GRB14: variants seen among roughly 807,000 people sequenced by gnomAD.
The protein encoded by GRB14 is growth factor receptor bound protein 14, also known as growth factor receptor-bound protein 14.
Under a neutral mutation model 69.1 loss-of-function variants are expected in GRB14, and 38 were observed. The ratio of observed to expected loss-of-function variants is 0.55; its 90% confidence interval spans 0.42 to 0.72. GRB14 has a LOEUF of 0.72. Among genes scored for constraint, GRB14 ranks in the 30% least tolerant of loss-of-function variants. The pLI is 0.00. For synonymous variants in GRB14, 247 were observed against 241.3 expected, an observed-to-expected ratio of 1.02 and a Z score of -0.22; for missense variants, 666 against 666.1, an observed-to-expected ratio of 1.00 and a Z score of 0.00.
chr2:164,556,769 G>A (rs536363822), intron 2 of GRB14, among the ~76,000 whole-genome samples: 6 of 152,188 alleles, frequency 3.9e-5, no homozygotes, highest in South Asian at 4.1e-4. Flanking sequence ...TAATTACTAC[G>A]TGTTGCCCTT....
intron 8 of GRB14, among the ~76,000 whole-genome samples, chr2:164,506,760 TAG>T (rs923887096): frequency 1.2e-4 from 19 of 152,012 alleles, no homozygotes; most frequent in Non-Finnish European, 2.8e-4. Flanking sequence ...TAGATAGATA[TAG>T]AGAGCTATAT....
rs566149234 is a variant in GRB14, at chr2:164,545,985, A to G, written c.481+1675T>C. Among the ~76,000 whole-genome samples, 324 of 152,328 alleles carry G rather than the reference A, an allele frequency of 2.1e-3. 1 individual carries two copies. The highest frequency in any genetic ancestry group is 7.5e-3 in the African/African-American group (312 of 41,578). On this transcript the variant is annotated intron_variant, in intron 3 of 13. Transcript: ENST00000263915. ...AAGGACTTACTTATTTCTTCAAGAAAAATTTAGGGTCTACACTACCATAAA... is the reference window on the plus strand; with the variant it reads ...AAGGACTTACTTATTTCTTCAAGAAGAATTTAGGGTCTACACTACCATAAA...
chr2:164,498,453 A>G (rs569979962), intron 9 of GRB14, among the ~76,000 whole-genome samples: 2 of 152,302 alleles, frequency 1.3e-5, no homozygotes, highest in East Asian at 3.9e-4. Context: ...ATGAATCCTA[A>G]GAAAGACCAT....
chr2:164,576,750 A>T (rs953009523), intron 2 of GRB14, among the ~76,000 whole-genome samples: 7 of 151,946 alleles, frequency 4.6e-5, no homozygotes, highest in Middle Eastern at 3.5e-3. Context: ...CCAAAATTTT[A>T]AAAAAATTAT....
intron 4 of GRB14, among the ~76,000 whole-genome samples, chr2:164,525,753 C>A (rs1687753755): frequency 6.6e-6 from 1 of 152,018 alleles, no homozygotes; most frequent in South Asian, 2.1e-4. Flanking sequence ...TCCTCTAGGA[C>A]AGGGTTTTTC....
chr2:164,587,646 G>A (rs1689569843), intron 2 of GRB14, among the ~76,000 whole-genome samples: 1 of 152,048 alleles, frequency 6.6e-6, no homozygotes, highest in African/African-American at 2.4e-5. Flanking sequence ...GAGGGAGTCA[G>A]GCCATCAATT....
intron 2 of GRB14, among the ~76,000 whole-genome samples, chr2:164,573,215 GTC>G (rs1000034033): frequency 6.6e-6 from 1 of 152,186 alleles, no homozygotes; most frequent in African/African-American, 2.4e-5. Flanking sequence ...TTAGGACTGA[GTC>G]TCTTAGTTTC....
chr2:164,542,266 C>G (rs1183298393), intron 3 of GRB14, among the ~76,000 whole-genome samples: 2 of 152,110 alleles, frequency 1.3e-5, no homozygotes, highest in South Asian at 4.1e-4. Flanking sequence ...GCACCACATA[C>G]AAAAATTAGC....
Position 164,619,800 on chromosome 2 carries a change from C to T in GRB14, c.211G>A (p.Asp71Asn), listed in dbSNP as rs763797493. 2.5e-6 allele frequency: 4 copies of T among 1,609,784 alleles called. No homozygotes were observed. Among genetic ancestry groups the T allele is most frequent in the Non-Finnish European group, 3.4e-6 (4 of 1,177,632 alleles). Reference protein sequence around the residue: ...AADRRKKKDLDVPEMPSIPNP... With the variant: ...AADRRKKKDLNVPEMPSIPNP... ...GGAATAGATGGCATTTCCGGAACAT[C>T]AAGATCTTTCTTTTTTCTCCTACAG... Residue 71 changes from aspartate to asparagine, a missense_variant, in exon 2 of 14, where the codon GAT (aspartate) becomes AAT (asparagine). Coordinates refer to ENST00000263915, the MANE Select transcript of GRB14 (RefSeq NM_004490.3).
chr2:164,550,034 A>C (rs1009347824), intron 2 of GRB14, among the ~76,000 whole-genome samples: 9 of 152,172 alleles, frequency 5.9e-5, no homozygotes, highest in Admixed American at 2.0e-4. Context: ...ATAGAATCAG[A>C]CTTTATGAAA....
Position 164,621,371 on chromosome 2 carries a change from C to T in GRB14, c.-62G>A. 5 of 1,227,656 alleles carry T rather than the reference C, an allele frequency of 4.1e-6. No individual in the cohort carries two copies. Among genetic ancestry groups the T allele is most frequent in the Non-Finnish European group, 3.1e-6 (3 of 977,950 alleles). The allele number at this position is 1,227,656 out of a possible 1,614,324, so 76.0% of individuals were successfully genotyped here. On this transcript the variant is annotated 5_prime_UTR_variant, in exon 1 of 14. Transcript: ENST00000263915. The surrounding 1 kb of genome is among the most constrained non-coding windows in gnomAD (Gnocchi z 6.0). ...TCGGCGCGTGGGGAGAAGGGGTTTG[C>T]GCGGCGGGAGGCGAGGTGCCGGCTA...
chr2:164,587,750 G>A (rs1689572056), intron 2 of GRB14, among the ~76,000 whole-genome samples: 1 of 152,060 alleles, frequency 6.6e-6, no homozygotes, highest in South Asian at 2.1e-4. Flanking sequence ...ATCGAAAACT[G>A]ACATTTAGGA....
At chr2:164,610,575 G>T (rs1690143396) in intron 2 of GRB14, among the ~76,000 whole-genome samples, 1 of 151,610 alleles carries the variant, frequency 6.6e-6, no homozygotes, top group African/African-American at 2.4e-5. Context: ...AATTTATTTT[G>T]GTAAATAGAG....
intron 2 of GRB14, among the ~76,000 whole-genome samples, chr2:164,583,481 A>G (rs1689462602): frequency 6.6e-6 from 1 of 152,218 alleles, no homozygotes. Context: ...GAATTAAAAA[A>G]CATGACAATA....
chr2:164,599,937 A>G (rs1689875635), intron 2 of GRB14, among the ~76,000 whole-genome samples: 1 of 152,240 alleles, frequency 6.6e-6, no homozygotes, highest in South Asian at 2.1e-4. Context: ...CGAAAACACG[A>G]AGAAACCAGA....
intron 8 of GRB14, among the ~76,000 whole-genome samples, chr2:164,505,744 T>C (rs1687173034): frequency 6.6e-6 from 1 of 152,118 alleles, no homozygotes; most frequent in Admixed American, 6.6e-5. Context: ...AGTGATTAAA[T>C]TACAAAAATC....
At chr2:164,596,692 T>A (rs1197193237) in intron 2 of GRB14, among the ~76,000 whole-genome samples, 1 of 152,164 alleles carries the variant, frequency 6.6e-6, no homozygotes, top group Non-Finnish European at 1.5e-5. Flanking sequence ...AAGAAAACAT[T>A]TTGTGGAATA....
chr2:164,501,417 A>G (rs1274615343), intron 9 of GRB14, among the ~76,000 whole-genome samples: 3 of 152,144 alleles, frequency 2.0e-5, no homozygotes, highest in Non-Finnish European at 4.4e-5. Context: ...GATTAAAAAA[A>G]TGCACATTAA....
At chr2:164,581,244 C>T (rs1369922343) in intron 2 of GRB14, among the ~76,000 whole-genome samples, 1 of 152,166 alleles carries the variant, frequency 6.6e-6, no homozygotes, top group African/African-American at 2.4e-5. Flanking sequence ...CACCCCATGT[C>T]AGTGTCCTAA....
Sources: allele counts gnomAD v4.1 joint callset (sites outside exome capture counted in the v4.1 genomes callset), GRCh38; gene constraint gnomAD v4.1.1; non-coding constraint Gnocchi (gnomAD v3.1); transcripts MANE v1.5; gene names NCBI Gene and HGNC (gene_info 2026-07-23, HGNC 2026-07-21).